The following MRAS variants were observed in gnomAD, a reference collection of about 807,000 sequenced individuals.
MRAS encodes ras-related protein M-Ras.
Under a neutral mutation model 20.9 loss-of-function variants are expected in MRAS, and 4 were observed. The observed-to-expected ratio is 0.19, with a 90% CI of 0.09 to 0.44. The LOEUF is 0.44. Among genes scored for constraint, MRAS ranks in the 20% least tolerant of loss-of-function variants. The probability of loss-of-function intolerance (pLI) is 0.99; values close to 1 mark genes in which losing one functional copy is unlikely to be tolerated. For synonymous variants in MRAS, 98 were observed against 102.9 expected, an observed-to-expected ratio of 0.95 and a Z score of 0.29; for missense variants, 154 against 277.5, an observed-to-expected ratio of 0.56 and a Z score of 3.16.
intron 1 of MRAS, among the ~76,000 whole-genome samples, chr3:138,369,080 C>T (rs947522034): frequency 1.3e-5 from 2 of 152,196 alleles, no homozygotes; most frequent in Non-Finnish European, 2.9e-5. Flanking sequence ...GTCCCAAGCC[C>T]TGGCTGAGAG....
At chr3:138,356,585 C>T (rs1295954750) in intron 1 of MRAS, among the ~76,000 whole-genome samples, 1 of 152,206 alleles carries the variant, frequency 6.6e-6, no homozygotes, top group African/African-American at 2.4e-5. Context: ...CTGCTCTCAC[C>T]AGTCTATCAT....
Position 138,372,911 on chromosome 3 carries a change from A to G in MRAS, c.28A>G (p.Asn10Asp). The G allele has an allele frequency of 1.3e-6, 2 of 1,547,332 alleles. No individual in the cohort carries two copies. Among genetic ancestry groups the G allele is most frequent in the Middle Eastern group, 2.0e-4 (1 of 4,916 alleles). The change falls in exon 2 of 6, where the codon AAC (asparagine) becomes GAC (aspartate). Residue 10 changes from asparagine (N) to aspartate (D), a missense_variant. Asn to Asp is a conservative substitution (Grantham distance 23, BLOSUM62 1). Around this residue, in one of 3 missense-constraint regions of MRAS, gnomAD observed 27 missense variants for 42.0 expected, o/e 0.64. Coordinates refer to ENST00000423968, the MANE Select transcript of MRAS (RefSeq NM_001085049.3). MATSAVPSD[N>D]LPTYKLVVVG... is the part of the protein sequence containing the mutation. ...GGCAACCAGCGCCGTCCCCAGTGAC[A>G]ACCTCCCCACATACAAGCTGGTGGT...
intron 1 of MRAS, among the ~76,000 whole-genome samples, chr3:138,355,501 G>C (rs1453571892): frequency 7.0e-6 from 1 of 143,542 alleles, no homozygotes; most frequent in Non-Finnish European, 1.5e-5. Flanking sequence ...GCAGATTCTT[G>C]TCAGTCCTTA....
intron 2 of MRAS, among the ~76,000 whole-genome samples, chr3:138,395,667 A>G (rs1465635156): frequency 6.6e-6 from 1 of 152,150 alleles, no homozygotes; most frequent in Non-Finnish European, 1.5e-5. Flanking sequence ...CCAGCCGACT[A>G]TATCATTCTT....
chr3:138,360,054 G>T (rs1390048169), intron 1 of MRAS, among the ~76,000 whole-genome samples: 1 of 152,200 alleles, frequency 6.6e-6, no homozygotes, highest in Admixed American at 6.5e-5. Context: ...CTGGTGCGGG[G>T]TGTCAGTAAT....
At chr3:138,351,836 A>G (rs114936880) in intron 1 of MRAS, among the ~76,000 whole-genome samples, 312 of 152,282 alleles carry the variant, frequency 2.0e-3, no homozygotes, top group African/African-American at 6.4e-3. Flanking sequence ...TAATATGTTG[A>G]TGAGAAGCCC....
intron 1 of MRAS, among the ~76,000 whole-genome samples, chr3:138,363,518 C>T (rs1049125774): frequency 1.3e-5 from 2 of 152,158 alleles, no homozygotes; most frequent in Non-Finnish European, 2.9e-5. Context: ...AATCCTCTGC[C>T]TGCCTCCCCC....
chr3:138,350,035 C>T (rs1236514892), intron 1 of MRAS: 1 of 152,140 alleles, frequency 6.6e-6, no homozygotes, highest in Non-Finnish European at 1.5e-5. Flanking sequence ...TCTGGTGCAG[C>T]CTGTGTTAGA....
intron 2 of MRAS, among the ~76,000 whole-genome samples, chr3:138,388,047 G>A (rs1189518193): frequency 6.6e-6 from 1 of 152,198 alleles, no homozygotes; most frequent in African/African-American, 2.4e-5. Context: ...GGAGCCAGTT[G>A]GTGCCCACTA....
rs375858413 is a variant in MRAS, at chr3:138,356,269, G to A, written c.-19+7502G>A. 3.8e-3 allele frequency among the ~76,000 whole-genome samples: 576 copies of A among 152,298 alleles called. 5 individuals carry two copies. The highest frequency in any genetic ancestry group is 0.014 in the Middle Eastern group (4 of 294). ...ATGTAAAAGTATTTGTGGGCATGTG[G>A]ATCTGTGGGGAGATTGCTGGAGTGT... On this transcript the variant is annotated intron_variant, in intron 1 of 5. Coordinates refer to ENST00000423968, the MANE Select transcript of MRAS (RefSeq NM_001085049.3).
chr3:138,377,377 T>A (rs1404973295), intron 2 of MRAS, among the ~76,000 whole-genome samples: 1 of 152,162 alleles, frequency 6.6e-6, no homozygotes, highest in Non-Finnish European at 1.5e-5. Flanking sequence ...GAGGCCGAGG[T>A]GGGTGGATCA....
chr3:138,367,215 G>A (rs937782172), intron 1 of MRAS, among the ~76,000 whole-genome samples: 6 of 152,144 alleles, frequency 3.9e-5, no homozygotes, highest in Non-Finnish European at 8.8e-5. Context: ...CAACTACTTT[G>A]TCGATGCAAA....
At chr3:138,373,163 G>A (rs2054710562) in intron 2 of MRAS, 87 bp downstream of exon 2, 1 of 1,202,568 alleles carries the variant, frequency 8.3e-7, no homozygotes, top group African/African-American at 1.6e-5. Context: ...GGGGCAAGAT[G>A]GTTTCCTTAA....
rs964935920 is a variant in MRAS, at chr3:138,348,729, G to C, written c.-57G>C. 2.0e-5 allele frequency: 3 copies of C among 151,650 alleles called. No individual in the cohort carries two copies. The highest frequency in any genetic ancestry group is 7.3e-5 in the African/African-American group (3 of 41,368). The allele number at this position is 151,650 out of a possible 1,614,324, so 9.4% of individuals were successfully genotyped here. A position where few individuals can be genotyped will look rare whatever the true frequency, so the allele number is the denominator to read the frequency against. On this transcript the variant is annotated 5_prime_UTR_variant, in exon 1 of 6. Transcript: ENST00000423968. Reference sequence around the variant, plus strand: ...TCACCGGCGCAGGCTAGGAGGGGGCGGCCTGAGTGCCGTAGCCGAGCCGGG... The same window carrying C: ...TCACCGGCGCAGGCTAGGAGGGGGCCGCCTGAGTGCCGTAGCCGAGCCGGG...
In MRAS at chr3:138,398,555, C is replaced by G; in HGVS notation, c.434C>G (p.Ala145Gly). 1 of 1,614,008 alleles carries G rather than the reference C, an allele frequency of 6.2e-7. No individual in the cohort carries two copies. Among genetic ancestry groups the G allele is most frequent in the Non-Finnish European group, 8.5e-7 (1 of 1,179,966 alleles). ...ACCAGGGAGCAAGGAAAAGAAATGG[C>G]GACCAAACACAATGTAGGTGTGTGC... ...KITREQGKEM[A>G]TKHNIPYIET... The change falls in exon 4 of 6, where the codon GCG becomes GGG. Residue 145 changes from alanine to glycine, a missense_variant. Around this residue, in one of 3 missense-constraint regions of MRAS, gnomAD observed 125 missense variants for 213.5 expected, o/e 0.59. Coordinates refer to ENST00000423968, the MANE Select transcript of MRAS (RefSeq NM_001085049.3).
chr3:138,370,793 A>G (rs1038497570), intron 1 of MRAS, among the ~76,000 whole-genome samples: 2 of 152,212 alleles, frequency 1.3e-5, no homozygotes, highest in Admixed American at 6.5e-5. Context: ...GAAAATTGAA[A>G]CATTAAGAAA....
At chr3:138,355,348 C>T (rs1010587594) in intron 1 of MRAS, among the ~76,000 whole-genome samples, 1 of 152,206 alleles carries the variant, frequency 6.6e-6, no homozygotes, top group African/African-American at 2.4e-5. Context: ...CTCCTTTCCA[C>T]CTACTGATTG....
At chr3:138,365,521 C>G (rs188789842) in intron 1 of MRAS, among the ~76,000 whole-genome samples, 1 of 152,360 alleles carries the variant, frequency 6.6e-6, no homozygotes, top group African/African-American at 2.4e-5. Flanking sequence ...CATTTCTGCT[C>G]TGCTGACAGC....
chr3:138,367,618 C>A (rs1010150914), intron 1 of MRAS, among the ~76,000 whole-genome samples: 1 of 152,206 alleles, frequency 6.6e-6, no homozygotes, highest in Non-Finnish European at 1.5e-5. Flanking sequence ...CCCCCTGCTT[C>A]TTAGCACAAG....
Sources: gnomAD v4.1 joint callset for allele counts (sites outside exome capture counted in the v4.1 genomes callset) on GRCh38, gnomAD v4.1.1 for gene constraint, gnomAD v4.1.1 regional missense constraint, MANE v1.5 for transcripts, NCBI Gene and HGNC (gene_info 2026-07-23, HGNC 2026-07-21) for gene names.